Variants in PPP2R2D observed in about 807,000 individuals in gnomAD.
PPP2R2D encodes the protein serine/threonine-protein phosphatase 2A 55 kDa regulatory subunit B delta isoform.
PPP2R2D carries 9 observed loss-of-function variants against 31.1 expected under a neutral mutation model. That is an observed-to-expected ratio of 0.29 (90% confidence interval 0.17 to 0.51). The LOEUF (loss-of-function observed/expected upper bound fraction) is 0.51. Ranked by LOEUF, PPP2R2D falls within the 20% of genes least tolerant of loss-of-function variation. The probability of loss-of-function intolerance (pLI) is 0.98; values close to 1 mark genes in which losing one functional copy is unlikely to be tolerated. For synonymous variants in PPP2R2D, 179 were observed against 172.6 expected, an observed-to-expected ratio of 1.04 and a Z score of -0.29; for missense variants, 391 against 465.6, an observed-to-expected ratio of 0.84 and a Z score of 1.48.
chr10:131,948,647 GCCTTGCAGC>G (rs1487495168), intron 8 of PPP2R2D, among the ~76,000 whole-genome samples: 1 of 152,224 alleles, frequency 6.6e-6, no homozygotes, highest in Non-Finnish European at 1.5e-5. Flanking sequence ...TCCGAGAGCA[GCCTTGCAGC>G]CCCGGCTGGC....
At chr10:131,970,857 C>A in the PPP2R2D span, 1 of 1,614,238 alleles carries the variant, frequency 6.2e-7, no homozygotes, top group East Asian at 2.2e-5. The surrounding 1 kb of genome is among the most constrained non-coding windows in gnomAD (Gnocchi z 4.1). Flanking sequence ...ACTGAGAACA[C>A]ACTCACTTGG....
intron 3 of PPP2R2D, 145 bp downstream of exon 3, chr10:131,934,700 A>G: frequency 3.1e-6 from 2 of 651,230 alleles, no homozygotes; most frequent in Non-Finnish European, 5.6e-6. Flanking sequence ...ATCTCCTTTC[A>G]GAAATTATCT....
intron 8 of PPP2R2D, among the ~76,000 whole-genome samples, chr10:131,952,788 G>T (rs1260626664): frequency 7.9e-6 from 1 of 127,084 alleles, no homozygotes; most frequent in Non-Finnish European, 1.6e-5. Context: ...ACTTGCGGGT[G>T]TGCAGGGGGT....
At position 131,947,126 on chromosome 10, in the gene PPP2R2D, G is replaced by A. The variant is rs1320302582; in HGVS notation, c.821-404G>A. Among the ~76,000 whole-genome samples, 1 of 152,196 alleles carries A rather than the reference G, an allele frequency of 6.6e-6. No individual in the cohort carries two copies. Among genetic ancestry groups the A allele is most frequent in the African/African-American group, 2.4e-5 (1 of 41,446 alleles). The stretch of plus-strand genomic sequence containing the variant: ...TGATGTGTATGCGATAGAATTTCAC[G>A]TGCTCGGGCCTGGTGCCATGAGGAC... On this transcript the variant is annotated intron_variant, in intron 7 of 8. Transcript: ENST00000455566. The surrounding 1 kb of genome is among the most constrained non-coding windows in gnomAD (Gnocchi z 4.3).
chr10:131,955,160 T>C (rs1379390208), intron 8 of PPP2R2D, among the ~76,000 whole-genome samples: 2 of 152,240 alleles, frequency 1.3e-5, no homozygotes, highest in Admixed American at 1.3e-4. Flanking sequence ...GAAATGCAGT[T>C]GTTCTAAAAT....
chr10:131,906,165 G>A (rs913802449), intron 2 of PPP2R2D, among the ~76,000 whole-genome samples: 2 of 152,176 alleles, frequency 1.3e-5, no homozygotes, highest in Non-Finnish European at 2.9e-5. Context: ...CTGCAGGGAA[G>A]CTATGGGTCT....
intron 2 of PPP2R2D, among the ~76,000 whole-genome samples, chr10:131,925,240 A>G (rs887703322): frequency 1.3e-5 from 2 of 152,200 alleles, no homozygotes; most frequent in Non-Finnish European, 2.9e-5. Flanking sequence ...CTTTTAGGGG[A>G]AAAGCCTTCA....
At chr10:131,971,211 C>T in the PPP2R2D span, 8 of 531,576 alleles carry the variant, frequency 1.5e-5, no homozygotes, top group Non-Finnish European at 2.4e-5. Flanking sequence ...GGGGGAGCCC[C>T]ACTCAGGGCG....
chr10:131,939,913 G>T, intron 3 of PPP2R2D, 118 bp from the exon 4 acceptor site: 1 of 402,010 alleles, frequency 2.5e-6, no homozygotes, highest in Non-Finnish European at 4.5e-6. Flanking sequence ...ATTTTTTTGA[G>T]CCAGGATTTT....
chr10:131,948,316 G>A (rs11146269), intron 8 of PPP2R2D, among the ~76,000 whole-genome samples: 43,121 of 150,698 alleles, frequency 0.29, 6,237 homozygotes, highest in East Asian at 0.45. Context: ...TTTAAAGATA[G>A]CTATGATTAG....
chr10:131,945,488 C>A lies in PPP2R2D; in HGVS notation c.820+29C>A. ...AGTGCGTCTGTTGTTGAGATGGAGT[C>A]TGGCTCTGTCACCCAGGCTGCGGTG... On this transcript the variant is annotated intron_variant, in intron 7 of 8. Coordinates refer to ENST00000455566, the MANE Select transcript of PPP2R2D (RefSeq NM_018461.5). This position sits in a 1 kb window ranked among gnomAD's most constrained non-coding sequence, Gnocchi z 4.8. 1 of 1,573,462 alleles carries A rather than the reference C, an allele frequency of 6.4e-7. No individual in the cohort carries two copies.
chr10:131,947,903 G>A lies in PPP2R2D; in HGVS notation c.1082+112G>A. ...AGCGTCAGAGGAGGACGCTCATAGG[G>A]TGTTGTTTTCCAGACCTTTTGATTG... On this transcript the variant is annotated intron_variant, in intron 8 of 8. Transcript: ENST00000455566. The surrounding 1 kb of genome is among the most constrained non-coding windows in gnomAD (Gnocchi z 4.3). 7.2e-7 allele frequency: 1 copy of A among 1,382,718 alleles called. No homozygotes were observed. Among genetic ancestry groups the A allele is most frequent in the Admixed American group, 2.2e-5 (1 of 45,454 alleles). The allele number at this position is 1,382,718 out of a possible 1,614,324, so 85.7% of individuals were successfully genotyped here. A position where few individuals can be genotyped will look rare whatever the true frequency, so the allele number is the denominator to read the frequency against.
chr10:131,905,406 C>T (rs2035566056), intron 2 of PPP2R2D, among the ~76,000 whole-genome samples: 1 of 152,314 alleles, frequency 6.6e-6, no homozygotes, highest in East Asian at 1.9e-4. Flanking sequence ...TGCTCCCTCT[C>T]CTGGAACGTA....
chr10:131,918,623 AGG>A (rs2035880622), intron 2 of PPP2R2D, among the ~76,000 whole-genome samples: 1 of 146,398 alleles, frequency 6.8e-6, no homozygotes. Flanking sequence ...TAGGGACCTC[AGG>A]CAGGTGGAAT....
intron 2 of PPP2R2D, among the ~76,000 whole-genome samples, chr10:131,922,040 T>G (rs1326618960): frequency 2.0e-5 from 3 of 152,222 alleles, no homozygotes; most frequent in African/African-American, 7.2e-5. Context: ...AATCAGATTT[T>G]CCTTGAAAAG....
rs2035992813 is a variant in PPP2R2D, at chr10:131,921,784, C to T, written c.101-12674C>T. Among the ~76,000 whole-genome samples, 4 of 152,068 alleles carry T rather than the reference C, an allele frequency of 2.6e-5. No homozygotes were observed. In the South Asian group the frequency reaches 6.2e-4, roughly 24 times the overall value. On this transcript the variant is annotated intron_variant, in intron 2 of 8. Transcript: ENST00000455566. ...GATTGTGTCAGAGCCCCTGGCCTGT[C>T]GTTGGTGGTTATAAAGCGCTTTTGA... is the stretch of plus-strand genomic sequence containing the variant.
In PPP2R2D at chr10:131,944,094, G is replaced by T. The variant is rs1263826751; in HGVS notation, c.604G>T (p.Asp202Tyr). ...TGATCATGAAACATATCTTTCTGCA[G>T]ATGACCTGAGAATTAATTTATGGCA... ...NSDHETYLSA[D>Y]DLRINLWHLE... The change falls in exon 6 of 9, where the codon GAT (aspartate) becomes TAT (tyrosine). Residue 202 changes from aspartate (D) to tyrosine (Y), a missense_variant. Asp to Tyr is a radical substitution (Grantham distance 160). Transcript: ENST00000455566. The T allele has an allele frequency of 1.2e-6, 2 of 1,611,786 alleles. No individual in the cohort carries two copies. The highest frequency in any genetic ancestry group is 1.7e-6 in the Non-Finnish European group (2 of 1,178,406).
chr10:131,906,956 T>A (rs1261068507), intron 2 of PPP2R2D, among the ~76,000 whole-genome samples: 2 of 151,390 alleles, frequency 1.3e-5, no homozygotes, highest in East Asian at 3.9e-4. Context: ...AAAGAAAAAA[T>A]AATAATAATT....
At chr10:131,917,447 T>C (rs1247906978) in intron 2 of PPP2R2D, among the ~76,000 whole-genome samples, 1 of 110,736 alleles carries the variant, frequency 9.0e-6, no homozygotes, top group Non-Finnish European at 1.8e-5. Flanking sequence ...GGAATGACAG[T>C]GTTTGTAGGG....
Sources: gnomAD v4.1 joint callset for allele counts (sites outside exome capture counted in the v4.1 genomes callset) on GRCh38, gnomAD v4.1.1 for gene constraint, Gnocchi (gnomAD v3.1) non-coding constraint, MANE v1.5 for transcripts, NCBI Gene and HGNC (gene_info 2026-07-23, HGNC 2026-07-21) for gene names.